The following TIAM1 variants were observed in gnomAD, a reference collection of about 807,000 sequenced individuals.
TIAM1 encodes rho guanine nucleotide exchange factor TIAM1.
Under a neutral mutation model 163.5 loss-of-function variants are expected in TIAM1, and 65 were observed. That is an observed-to-expected ratio of 0.40 (90% CI 0.33 to 0.49). The LOEUF (loss-of-function observed/expected upper bound fraction) is 0.49, where lower values mean the gene tolerates loss of function less well. Ranked by LOEUF, TIAM1 falls within the 20% of genes least tolerant of loss-of-function variation. The pLI, the probability that TIAM1 is intolerant of heterozygous loss-of-function variation, is 0.77. For synonymous variants in TIAM1, 833 were observed against 810.1 expected (o/e 1.03, Z -0.48); for missense variants, 1,789 against 2,044.7 (o/e 0.87, Z 2.41).
chr21:31,517,323 C>A (rs1365485423), intron 1 of TIAM1, among the ~76,000 whole-genome samples: 7 of 152,104 alleles, frequency 4.6e-5, no homozygotes, highest in Non-Finnish European at 1.0e-4. Flanking sequence ...CACTTGAGGC[C>A]AGGAGTTCAA....
intron 1 of TIAM1, among the ~76,000 whole-genome samples, chr21:31,547,405 C>T (rs2048534829): frequency 6.6e-6 from 1 of 152,108 alleles, no homozygotes; most frequent in African/African-American, 2.4e-5. Flanking sequence ...TTGTTTGATA[C>T]AATTGGTGAG....
At chr21:31,423,936 T>C (rs560284429) in intron 2 of TIAM1, among the ~76,000 whole-genome samples, 2 of 151,540 alleles carry the variant, frequency 1.3e-5, no homozygotes, top group South Asian at 2.1e-4. Flanking sequence ...CTGAAGTTGA[T>C]TGTAGTGATG....
At chr21:31,310,270 G>A (rs1392781790) in intron 2 of TIAM1, among the ~76,000 whole-genome samples, 1 of 152,174 alleles carries the variant, frequency 6.6e-6, no homozygotes, top group African/African-American at 2.4e-5. Flanking sequence ...CACACCAAAT[G>A]CAGAGAAGCC....
chr21:31,513,868 A>G (rs2047293954), intron 1 of TIAM1, among the ~76,000 whole-genome samples: 1 of 152,104 alleles, frequency 6.6e-6, no homozygotes, highest in South Asian at 2.1e-4. Context: ...TTAGCCGGGC[A>G]TGGTGGCATA....
rs369219405 is a variant in TIAM1 at position 31,182,606 on chromosome 21, C to T, written c.2702G>A (p.Arg901His). The change falls in exon 15 of 28, where the codon CGT (arginine) becomes CAT (histidine). Residue 901 changes from arginine to histidine, a missense_variant. Arg to His is a conservative substitution (Grantham distance 29). Transcript: ENST00000541036. ...AGAAGAGTTCAGGGCGTCAGCAGCA[C>T]GATTATTGATCTCAAGAATCTCATC... ...AGDEILEINN[R>H]AADALNSSML... The T allele has an allele frequency of 3.8e-5, 62 of 1,613,006 alleles. No homozygotes were observed. Among genetic ancestry groups the T allele is most frequent in the Admixed American group, 3.3e-4 (20 of 59,714 alleles).
Position 31,222,676 on chromosome 21 carries a change from C to CAAATAT in TIAM1, c.1995+729_1995+730insATATTT, listed in dbSNP as rs1310227960. Reference sequence around the variant, plus strand: ...GTATATATACATACATGTACACATACATATATATATATATATATATATATA... The same window carrying CAAATAT: ...GTATATATACATACATGTACACATACAAATATATATATATATATATATATATATATA... On this transcript the variant is annotated intron_variant, in intron 8 of 27. Transcript: ENST00000541036. 2.6e-3 allele frequency among the ~76,000 whole-genome samples: 124 copies of CAAATAT among 48,202 alleles called. 2 individuals carry two copies. The highest frequency in any genetic ancestry group is 7.6e-3 in the African/African-American group (117 of 15,454). The allele number at this position is 48,202 out of a possible 152,430, so 31.6% of individuals were successfully genotyped here.
chr21:31,473,025 G>A (rs995067552), intron 1 of TIAM1, among the ~76,000 whole-genome samples: 3 of 152,140 alleles, frequency 2.0e-5, no homozygotes, highest in South Asian at 2.1e-4. Flanking sequence ...AAAGATGCAC[G>A]GTCTGGAGCT....
At chr21:31,282,258 A>G (rs1042243421) in intron 2 of TIAM1, among the ~76,000 whole-genome samples, 1 of 152,232 alleles carries the variant, frequency 6.6e-6, no homozygotes, top group Non-Finnish European at 1.5e-5. Flanking sequence ...TGATATGATG[A>G]GCAATGCTCT....
rs545228232 is a variant in TIAM1, at chr21:31,147,791, T to A, written c.3367-788A>T. The stretch of plus-strand genomic sequence containing the variant: ...TATATTAATATATTATATTAAAATA[T>A]ATATATATATATATGGCCTCAGAAA... On this transcript the variant is annotated intron_variant, in intron 19 of 27. Transcript: ENST00000541036. 3.9e-3 allele frequency among the ~76,000 whole-genome samples: 549 copies of A among 142,460 alleles called. 5 individuals are homozygous for A. The highest frequency in any genetic ancestry group is 0.026 in the East Asian group (132 of 5,024). The allele number at this position is 142,460 out of a possible 152,430, so 93.5% of individuals were successfully genotyped here. A position where few individuals can be genotyped will look rare whatever the true frequency, so the allele number is the denominator to read the frequency against.
At chr21:31,143,072 G>A (rs1381887209) in intron 20 of TIAM1, among the ~76,000 whole-genome samples, 2 of 152,084 alleles carry the variant, frequency 1.3e-5, no homozygotes, top group African/African-American at 4.8e-5. Flanking sequence ...GGGGTGATGG[G>A]GGCTGTGGCA....
chr21:31,443,949 C>T (rs2044526354), intron 2 of TIAM1, among the ~76,000 whole-genome samples: 1 of 152,158 alleles, frequency 6.6e-6, no homozygotes, highest in Non-Finnish European at 1.5e-5. Context: ...TCATTTAGAA[C>T]ATGTTTCATA....
At chr21:31,430,243 TATATACACAC>T (rs1467862402) in intron 2 of TIAM1, among the ~76,000 whole-genome samples, 1 of 131,162 alleles carries the variant, frequency 7.6e-6, no homozygotes, top group African/African-American at 3.3e-5. Context: ...TATATATATA[TATATACACAC>T]ACACACACAC....
chr21:31,228,237 A>AG (rs1569068784), intron 6 of TIAM1, among the ~76,000 whole-genome samples: 2 of 47,672 alleles, frequency 4.2e-5, no homozygotes, highest in African/African-American at 8.3e-5. Flanking sequence ...AAAAAAAAAA[A>AG]AAAAAAAAAA....
rs192836040 is a variant in TIAM1 at position 31,183,375 on chromosome 21, G to A, written c.2663-730C>T. Among the ~76,000 whole-genome samples the A allele has an allele frequency of 9.2e-5, 14 of 152,182 alleles. No individual in the cohort carries two copies. The East Asian group carries it at 1.4e-3, about 15-fold the overall frequency. On this transcript the variant is annotated intron_variant, in intron 14 of 27. Transcript: ENST00000541036. The stretch of plus-strand genomic sequence containing the variant: ...AGACACCAAGGTGCAGTTCAAACTC[G>A]CACTGGAAGAACATTCCAGCAGCCT...
chr21:31,261,986 C>A (rs1219101212), intron 4 of TIAM1, among the ~76,000 whole-genome samples: 1 of 152,144 alleles, frequency 6.6e-6, no homozygotes, highest in African/African-American at 2.4e-5. Context: ...CACAACGGCT[C>A]CACGCCAAAG....
rs1002330042 is a variant in TIAM1 at position 31,120,107 on chromosome 21, G to C, written c.*261C>G. On this transcript the variant is annotated 3_prime_UTR_variant, in exon 28 of 28. Coordinates refer to ENST00000541036, the MANE Select transcript of TIAM1 (RefSeq NM_001353694.2). This position sits in a 1 kb window ranked among gnomAD's most constrained non-coding sequence, Gnocchi z 4.2. ...TTTTTCTTTTAATTGTTCAGGCCCT[G>C]ATTTATTGAGAATAAATAAAAGCCC... 3.9e-5 allele frequency: 16 copies of C among 408,656 alleles called. No homozygotes were observed. The highest frequency in any genetic ancestry group is 1.0e-4 in the African/African-American group (5 of 49,356). The allele number at this position is 408,656 out of a possible 1,614,324, so 25.3% of individuals were successfully genotyped here. A position where few individuals can be genotyped will look rare whatever the true frequency, so the allele number is the denominator to read the frequency against.
chr21:31,203,346 C>T (rs1260276489), intron 11 of TIAM1, among the ~76,000 whole-genome samples: 1 of 152,220 alleles, frequency 6.6e-6, no homozygotes, highest in African/African-American at 2.4e-5. Flanking sequence ...TGGTCTCGAA[C>T]TCCTGACCTC....
chr21:31,509,625 T>C (rs2047145846), intron 1 of TIAM1, among the ~76,000 whole-genome samples: 4 of 152,194 alleles, frequency 2.6e-5, no homozygotes, highest in Admixed American at 2.6e-4. Context: ...CCTGCAGGCA[T>C]CAAGGACCCA....
intron 2 of TIAM1, among the ~76,000 whole-genome samples, chr21:31,403,715 G>A (rs2077203172): frequency 6.6e-6 from 1 of 152,154 alleles, no homozygotes; most frequent in African/African-American, 2.4e-5. Flanking sequence ...ATAAGGAATA[G>A]TCTAAAAATT....
Sources: allele counts gnomAD v4.1 joint callset (sites outside exome capture counted in the v4.1 genomes callset), GRCh38; gene constraint gnomAD v4.1.1; non-coding constraint Gnocchi (gnomAD v3.1); transcripts MANE v1.5; gene names NCBI Gene and HGNC (gene_info 2026-07-23, HGNC 2026-07-21).